TRIO: variants seen among roughly 807,000 people sequenced by gnomAD.
The protein encoded by TRIO is trio Rho guanine nucleotide exchange factor.
A neutral mutation model predicts 351.9 loss-of-function variants in TRIO; 58 were observed. That is an observed-to-expected ratio of 0.16 (90% CI 0.13 to 0.21). The LOEUF (loss-of-function observed/expected upper bound fraction) is 0.21. Among genes scored for constraint, TRIO ranks in the 10% least tolerant of loss-of-function variants. The pLI is 1.00. For missense variants in TRIO, 3,201 were observed against 4,027.8 expected (o/e 0.79, Z 5.56); for synonymous variants, 1,758 against 1,595.7 (o/e 1.10, Z -2.42).
At chr5:14,323,551 G>A (rs1050122225) in intron 9 of TRIO, among the ~76,000 whole-genome samples, 1 of 152,204 alleles carries the variant, frequency 6.6e-6, no homozygotes, top group Non-Finnish European at 1.5e-5. Flanking sequence ...CCTTTAGGAG[G>A]GAATCAATGG....
In TRIO at chr5:14,507,220, G is replaced by T. The variant is rs182365882; in HGVS notation, c.8711G>T (p.Arg2904Leu). The change falls in exon 56 of 57, where the codon CGG (arginine) becomes CTG (leucine). Residue 2904 changes from arginine (R) to leucine (L), a missense_variant. This residue lies in a region of TRIO where 233 missense variants were observed against 292.6 expected (regional missense o/e 0.80). Transcript: ENST00000344204. ...CTGGGGGAGGTTCTGGAAGCTGTCC[G>T]GTACCTGCACAACTGCAGGATAGCA... is the stretch of plus-strand genomic sequence containing the variant. ...AHLGEVLEAV[R>L]YLHNCRIAHL... 1.9e-6 allele frequency: 3 copies of T among 1,611,778 alleles called. No individual in the cohort carries two copies. The highest frequency in any genetic ancestry group is 2.5e-6 in the Non-Finnish European group (3 of 1,179,830).
At chr5:14,484,206 T>G (rs1474964608) in intron 46 of TRIO, among the ~76,000 whole-genome samples, 1 of 152,210 alleles carries the variant, frequency 6.6e-6, no homozygotes, top group Non-Finnish European at 1.5e-5. Flanking sequence ...CGTATATATT[T>G]TTTACATATT....
Position 14,398,980 on chromosome 5 carries a change from T to C in TRIO, c.4524T>C (p.His1508=). 6.2e-7 allele frequency: 1 copy of C among 1,614,148 alleles called. No homozygotes were observed. The highest frequency in any genetic ancestry group is 8.5e-7 in the Non-Finnish European group (1 of 1,180,012). ...KTLIRKGRER[H]LFLFEMSLVF... is the part of the protein sequence containing the mutation. ...TAATTCGAAAGGGTCGAGAACGGCA[T>C]CTCTTCCTTTTTGAAATGTCCTTAG... is the stretch of plus-strand genomic sequence containing the variant. Residue 1508 remains histidine (H), a synonymous_variant, in exon 30 of 57, where the codon CAT becomes CAC. Transcript: ENST00000344204.
chr5:14,284,783 CA>C (rs1736299291), intron 3 of TRIO, among the ~76,000 whole-genome samples: 2 of 152,178 alleles, frequency 1.3e-5, no homozygotes, highest in South Asian at 4.1e-4. Context: ...ACTAGTAAAA[CA>C]AATAAAACAT....
At chr5:14,284,793 A>G (rs970919179) in intron 3 of TRIO, among the ~76,000 whole-genome samples, 5 of 152,218 alleles carry the variant, frequency 3.3e-5, no homozygotes, top group Non-Finnish European at 5.9e-5. Context: ...CAAATAAAAC[A>G]TATTGCCACC....
At chr5:14,186,545 C>T (rs1358899181) in intron 1 of TRIO, among the ~76,000 whole-genome samples, 6 of 151,930 alleles carry the variant, frequency 3.9e-5, no homozygotes, top group African/African-American at 7.3e-5. Flanking sequence ...CTGAATGAGT[C>T]GGCCTGTCGT....
chr5:14,488,133 T>C lies in TRIO; in HGVS notation c.7505T>C (p.Phe2502Ser). ...SPASRPGSFT[F>S]PGDSDSLQRQ... ...GCCAGCCGACCCGGCTCCTTCACCT[T>C]CCCGGGGGACAGCGACTCCCTCCAG... The change falls in exon 48 of 57, where the codon TTC becomes TCC. Residue 2502 changes from phenylalanine (F) to serine (S), a missense_variant. Physicochemically the swap from Phe to Ser is radical, Grantham distance 155. Around this residue, in one of 19 missense-constraint regions of TRIO, gnomAD observed 1,089 missense variants for 954.9 expected, o/e 1.14. Coordinates refer to ENST00000344204, the MANE Select transcript of TRIO (RefSeq NM_007118.4). 2 of 1,608,342 alleles carry C rather than the reference T, an allele frequency of 1.2e-6. No homozygotes were observed. Among genetic ancestry groups the C allele is most frequent in the South Asian group, 1.1e-5 (1 of 90,968 alleles).
intron 8 of TRIO, among the ~76,000 whole-genome samples, chr5:14,305,105 T>G (rs1053066458): frequency 6.6e-6 from 1 of 152,246 alleles, no homozygotes; most frequent in African/African-American, 2.4e-5. Flanking sequence ...GTAAGGACTT[T>G]ATGTAATGAC....
At chr5:14,406,855 G>A (rs1228257359) in intron 33 of TRIO, among the ~76,000 whole-genome samples, 183 bp downstream of exon 33, 1 of 152,108 alleles carries the variant, frequency 6.6e-6, no homozygotes, top group African/African-American at 2.4e-5. Context: ...GAGAAGACCT[G>A]AACCCTGAGG....
chr5:14,318,876 G>T (rs1342271187), intron 9 of TRIO, among the ~76,000 whole-genome samples: 2 of 152,150 alleles, frequency 1.3e-5, no homozygotes, highest in African/African-American at 4.8e-5. Context: ...CCAAGAGGGG[G>T]CCTCATTAAC....
intron 9 of TRIO, among the ~76,000 whole-genome samples, chr5:14,329,417 G>A (rs998617246): frequency 1.3e-5 from 2 of 152,230 alleles, no homozygotes; most frequent in Non-Finnish European, 2.9e-5. Context: ...AAAGAGGCCT[G>A]AGAGAGCTTG....
chr5:14,462,422 A>G (rs539356402), intron 35 of TRIO, among the ~76,000 whole-genome samples: 2 of 152,218 alleles, frequency 1.3e-5, no homozygotes, highest in African/African-American at 4.8e-5. Context: ...GACCAAAGGA[A>G]CTAAATCAAC....
intron 39 of TRIO, 147 bp from the exon 40 acceptor site, chr5:14,473,847 C>T (rs770357846): frequency 8.1e-6 from 5 of 616,674 alleles, no homozygotes; most frequent in Admixed American, 5.9e-5. Flanking sequence ...CTTTTCATAT[C>T]GGTTTTTTTT....
chr5:14,335,781 A>G lies in TRIO; in HGVS notation c.1855-755A>G, dbSNP rs935526789. On this transcript the variant is annotated intron_variant, in intron 10 of 56. Coordinates refer to ENST00000344204, the MANE Select transcript of TRIO (RefSeq NM_007118.4). ...GGAGTTCGAGACCAGCCTGGGCAACATTGCAAACCCCCATCTCTCCTAAAA... is the reference window on the plus strand; with the variant it reads ...GGAGTTCGAGACCAGCCTGGGCAACGTTGCAAACCCCCATCTCTCCTAAAA... 9.2e-5 allele frequency among the ~76,000 whole-genome samples: 14 copies of G among 152,224 alleles called. 1 individual carries two copies. Among genetic ancestry groups the G allele is most frequent in the Middle Eastern group, 3.4e-3 (1 of 294 alleles).
rs1458447673 is a variant in TRIO, at chr5:14,143,684, G to A, written c.-42G>A. On this transcript the variant is annotated 5_prime_UTR_variant, in exon 1 of 57. Transcript: ENST00000344204. ...GCGGGCGGCACGCGGCGCTAGGGGCGCGGGGCCCGAGGCGGGCGCGGCCGC... is the reference window on the plus strand; with the variant it reads ...GCGGGCGGCACGCGGCGCTAGGGGCACGGGGCCCGAGGCGGGCGCGGCCGC... The A allele has an allele frequency of 1.0e-6, 1 of 959,652 alleles. No homozygotes were observed. The highest frequency in any genetic ancestry group is 1.2e-6 in the Non-Finnish European group (1 of 810,330). The allele number at this position is 959,652 out of a possible 1,614,324, so 59.4% of individuals were successfully genotyped here. A position where few individuals can be genotyped will look rare whatever the true frequency, so the allele number is the denominator to read the frequency against.
chr5:14,282,479 T>C (rs1473788681), intron 3 of TRIO, among the ~76,000 whole-genome samples: 3 of 152,214 alleles, frequency 2.0e-5, no homozygotes, highest in Non-Finnish European at 4.4e-5. Context: ...TTGAAACCTA[T>C]GTTAATAGTA....
intron 8 of TRIO, among the ~76,000 whole-genome samples, chr5:14,313,274 G>A (rs1048312946): frequency 2.6e-5 from 4 of 152,138 alleles, no homozygotes; most frequent in African/African-American, 9.7e-5. Flanking sequence ...TTTATGTTAA[G>A]GTATTTGTGT....
intron 19 of TRIO, among the ~76,000 whole-genome samples, chr5:14,376,060 T>C (rs1015237539): frequency 9.2e-5 from 14 of 152,116 alleles, no homozygotes; most frequent in African/African-American, 3.4e-4. Flanking sequence ...ATGGTAGAGA[T>C]GGAGAAAAGT....
intron 19 of TRIO, among the ~76,000 whole-genome samples, chr5:14,375,909 C>T (rs1456847625): frequency 6.6e-6 from 1 of 152,074 alleles, no homozygotes; most frequent in Non-Finnish European, 1.5e-5. Flanking sequence ...TGCTAGTTTA[C>T]CTCTTCAGTG....
Sources: allele counts gnomAD v4.1 joint callset (sites outside exome capture counted in the v4.1 genomes callset), GRCh38; gene constraint gnomAD v4.1.1; regional missense constraint gnomAD v4.1.1; transcripts MANE v1.5; gene names NCBI Gene and HGNC (gene_info 2026-07-23, HGNC 2026-07-21).